The following CERS6 variants were observed in gnomAD, a reference collection of about 807,000 sequenced individuals.
CERS6 encodes LAG1 homolog, ceramide synthase 6.
Under a neutral mutation model 56.8 loss-of-function variants are expected in CERS6, and 26 were observed. The observed-to-expected ratio is 0.46, with a 90% CI of 0.34 to 0.63. The LOEUF (loss-of-function observed/expected upper bound fraction) is 0.63, where lower values mean the gene tolerates loss of function less well. Among genes scored for constraint, CERS6 ranks in the 30% least tolerant of loss-of-function variants. The probability of loss-of-function intolerance (pLI) is 0.01; values close to 1 mark genes in which losing one functional copy is unlikely to be tolerated. For synonymous variants in CERS6, 164 were observed against 173.3 expected, an observed-to-expected ratio of 0.95 and a Z score of 0.42; for missense variants, 415 against 467.5, an observed-to-expected ratio of 0.89 and a Z score of 1.04.
At chr2:168,717,648 G>A (rs1451265408) in intron 7 of CERS6, among the ~76,000 whole-genome samples, 1 of 152,104 alleles carries the variant, frequency 6.6e-6, no homozygotes, top group Admixed American at 6.6e-5. Context: ...GTAACAGTCA[G>A]GAATTCTACT....
chr2:168,667,839 G>A (rs949272789), intron 4 of CERS6, among the ~76,000 whole-genome samples: 20 of 152,216 alleles, frequency 1.3e-4, no homozygotes, highest in African/African-American at 4.8e-4. Context: ...CAGGTGAACA[G>A]ATATTTAAAG....
At chr2:168,480,905 CT>C (rs1429289481) in intron 1 of CERS6, among the ~76,000 whole-genome samples, 1 of 152,142 alleles carries the variant, frequency 6.6e-6, no homozygotes, top group Non-Finnish European at 1.5e-5. Context: ...GGATAGAAGT[CT>C]TGAGTAGCAT....
chr2:168,683,737 C>T (rs540252383), intron 4 of CERS6, among the ~76,000 whole-genome samples: 5 of 152,092 alleles, frequency 3.3e-5, no homozygotes, highest in Non-Finnish European at 5.9e-5. Context: ...TGCAGTGATT[C>T]TTGCTGGGTG....
At chr2:168,747,063 C>A (rs1684129834) in intron 8 of CERS6, among the ~76,000 whole-genome samples, 1 of 151,584 alleles carries the variant, frequency 6.6e-6, no homozygotes, top group African/African-American at 2.4e-5. Flanking sequence ...GGAGATTATA[C>A]TGTACGTAAT....
chr2:168,579,790 A>G (rs1683363405), intron 3 of CERS6, among the ~76,000 whole-genome samples: 1 of 152,044 alleles, frequency 6.6e-6, no homozygotes, highest in South Asian at 2.1e-4. Flanking sequence ...GCCTGACTTC[A>G]TCTCTCCCAG....
At chr2:168,489,854 A>G (rs1694338987) in intron 1 of CERS6, among the ~76,000 whole-genome samples, 1 of 151,986 alleles carries the variant, frequency 6.6e-6, no homozygotes, top group South Asian at 2.1e-4. Context: ...CTAAGAACTG[A>G]TCATATTTTC....
At chr2:168,756,245 C>G (rs1478091013) in intron 8 of CERS6, among the ~76,000 whole-genome samples, 1 of 152,310 alleles carries the variant, frequency 6.6e-6, no homozygotes, top group East Asian at 1.9e-4. Context: ...TAGGTTTCTA[C>G]CTGCCTAGCA....
At chr2:168,631,469 T>C (rs1164999152) in intron 4 of CERS6, among the ~76,000 whole-genome samples, 3 of 125,172 alleles carry the variant, frequency 2.4e-5, no homozygotes, top group African/African-American at 9.1e-5. Flanking sequence ...AAAAATATAA[T>C]ATATAATATA....
In CERS6 at chr2:168,572,956, G is replaced by C. The variant is rs527996715; in HGVS notation, c.407+11634G>C. On this transcript the variant is annotated intron_variant, in intron 3 of 9. Coordinates refer to ENST00000305747, the MANE Select transcript of CERS6 (RefSeq NM_203463.3). ...GTGAATCTCTAGGGACTAGAGGCCT[G>C]ACTCTAATTAGAGAAAGCTTGAGTT... 5.3e-5 allele frequency among the ~76,000 whole-genome samples: 8 copies of C among 152,260 alleles called. No individual in the cohort carries two copies. In the East Asian group the frequency reaches 1.3e-3, roughly 26 times the overall value.
intron 4 of CERS6, among the ~76,000 whole-genome samples, chr2:168,689,378 G>C (rs148725287): frequency 2.6e-5 from 4 of 152,112 alleles, no homozygotes; most frequent in African/African-American, 9.7e-5. Flanking sequence ...AAAGTAAATT[G>C]ATCTGTATCA....
intron 1 of CERS6, among the ~76,000 whole-genome samples, chr2:168,523,250 C>A (rs10930330): frequency 6.6e-6 from 1 of 152,014 alleles, no homozygotes; most frequent in Admixed American, 6.6e-5. Context: ...TATCTTTTAC[C>A]GCAAGGAAGG....
At position 168,456,333 on chromosome 2, in the gene CERS6, G is replaced by A. The variant is rs1319714895; in HGVS notation, c.-116G>A. ...GAGGAGGCGGCGGCGGCGGGCGGGA[G>A]CAGCGGCGGCGGCGGCACAGGCTCG... On this transcript the variant is annotated 5_prime_UTR_variant, in exon 1 of 10. Coordinates refer to ENST00000305747, the MANE Select transcript of CERS6 (RefSeq NM_203463.3). This position sits in a 1 kb window ranked among gnomAD's most constrained non-coding sequence, Gnocchi z 4.1. 3.5e-6 allele frequency: 2 copies of A among 575,872 alleles called. No individual in the cohort carries two copies. The highest frequency in any genetic ancestry group is 5.3e-5 in the Admixed American group (1 of 18,818). The allele number at this position is 575,872 out of a possible 1,614,324, so 35.7% of individuals were successfully genotyped here. A position where few individuals can be genotyped will look rare whatever the true frequency, so the allele number is the denominator to read the frequency against.
At chr2:168,467,747 C>T (rs4143277) in intron 1 of CERS6, among the ~76,000 whole-genome samples, 8,367 of 152,210 alleles carry the variant, frequency 0.055, 334 homozygotes, top group East Asian at 0.18. Flanking sequence ...TCAATGAAAC[C>T]TGGTTCGTAA....
intron 1 of CERS6, among the ~76,000 whole-genome samples, chr2:168,525,521 G>A (rs1172237873): frequency 6.6e-6 from 1 of 152,200 alleles, no homozygotes; most frequent in Non-Finnish European, 1.5e-5. Flanking sequence ...AATGCTTATG[G>A]TTCTTGGGTC....
intron 2 of CERS6, among the ~76,000 whole-genome samples, chr2:168,550,744 A>C (rs183243286): frequency 1.3e-5 from 2 of 152,208 alleles, no homozygotes; most frequent in South Asian, 4.1e-4. Flanking sequence ...GTGCATTGCA[A>C]CCTCTATGCC....
chr2:168,664,827 A>G (rs1685717639), intron 4 of CERS6, among the ~76,000 whole-genome samples: 1 of 152,056 alleles, frequency 6.6e-6, no homozygotes, highest in South Asian at 2.1e-4. Context: ...TCATCCTGTG[A>G]CTTAGAATGC....
chr2:168,494,086 G>A lies in CERS6; in HGVS notation c.170+37468G>A, dbSNP rs1268057816. 3.9e-5 allele frequency among the ~76,000 whole-genome samples: 6 copies of A among 152,236 alleles called. No homozygotes were observed. The East Asian group carries it at 1.2e-3, about 29-fold the overall frequency. ...TGTAGGAGGAATCGTCGAGGGCTCA[G>A]GGAATGTTTCTCTTGTCCTTCACCC... is the stretch of plus-strand genomic sequence containing the variant. On this transcript the variant is annotated intron_variant, in intron 1 of 9. Coordinates refer to ENST00000305747, the MANE Select transcript of CERS6 (RefSeq NM_203463.3).
chr2:168,560,030 A>T (rs946148603), intron 2 of CERS6, among the ~76,000 whole-genome samples: 1 of 152,010 alleles, frequency 6.6e-6, no homozygotes, highest in African/African-American at 2.4e-5. Context: ...GATAAAGACA[A>T]ACCTGAGAGT....
chr2:168,744,029 GCT>G (rs1343449256), intron 8 of CERS6, among the ~76,000 whole-genome samples: 10 of 94,764 alleles, frequency 1.1e-4, no homozygotes, highest in Admixed American at 1.7e-4. Flanking sequence ...ATGGAGTCTT[GCT>G]CTGTCACCCA....
Sources: allele counts gnomAD v4.1 joint callset (sites outside exome capture counted in the v4.1 genomes callset), GRCh38; gene constraint gnomAD v4.1.1; non-coding constraint Gnocchi (gnomAD v3.1); transcripts MANE v1.5; gene names NCBI Gene and HGNC (gene_info 2026-07-23, HGNC 2026-07-21).